Variants in CAMKMT observed in about 807,000 individuals in gnomAD.
CAMKMT encodes calmodulin-lysine N-methyltransferase.
CAMKMT carries 53 observed loss-of-function variants against 48.0 expected under a neutral mutation model. The ratio of observed to expected loss-of-function variants is 1.10; its 90% confidence interval spans 0.89 to 1.39. The LOEUF (loss-of-function observed/expected upper bound fraction) is 1.39. CAMKMT is among the 40% of genes most tolerant of loss of function. The probability of loss-of-function intolerance (pLI) is 0.00; values close to 1 mark genes in which losing one functional copy is unlikely to be tolerated. For missense variants in CAMKMT, 428 were observed against 402.7 expected, an observed-to-expected ratio of 1.06 and a Z score of -0.54; for synonymous variants, 165 against 152.3, an observed-to-expected ratio of 1.08 and a Z score of -0.61.
chr2:44,530,073 T>A (rs1170221090), intron 3 of CAMKMT, among the ~76,000 whole-genome samples: 1 of 152,194 alleles, frequency 6.6e-6, no homozygotes, highest in Non-Finnish European at 1.5e-5. Context: ...CATGGAAGAC[T>A]GTCAATATTT....
At position 44,532,845 on chromosome 2, in the gene CAMKMT, C is replaced by A. The variant is rs112905102; in HGVS notation, c.376+142540C>A. ...TTTTTTTTTTTTTGAGACAGAGTCT[C>A]GCTGTCACCCAGGCTGGAGTACAGT... On this transcript the variant is annotated intron_variant, in intron 3 of 10. Transcript: ENST00000378494. 6.7e-5 allele frequency among the ~76,000 whole-genome samples: 10 copies of A among 150,362 alleles called. No individual in the cohort carries two copies. In the East Asian group the frequency reaches 1.6e-3, roughly 23 times the overall value.
intron 3 of CAMKMT, among the ~76,000 whole-genome samples, chr2:44,622,691 A>G (rs556708019): frequency 6.6e-6 from 1 of 152,340 alleles, no homozygotes; most frequent in South Asian, 2.1e-4. Context: ...ATGGTTGCAT[A>G]GTATTCCGTG....
chr2:44,749,166 A>G (rs562194125), intron 8 of CAMKMT, among the ~76,000 whole-genome samples: 5 of 152,182 alleles, frequency 3.3e-5, no homozygotes, highest in Non-Finnish European at 5.9e-5. Context: ...GTGACCTTCC[A>G]TAGAAGAACC....
At chr2:44,480,964 TAGG>T (rs898391520) in intron 3 of CAMKMT, among the ~76,000 whole-genome samples, 24 of 152,194 alleles carry the variant, frequency 1.6e-4, no homozygotes, top group African/African-American at 5.8e-4. Context: ...ATCATATAAA[TAGG>T]AGATACATGC....
At chr2:44,566,040 C>T (rs957480986) in intron 3 of CAMKMT, among the ~76,000 whole-genome samples, 1 of 152,190 alleles carries the variant, frequency 6.6e-6, no homozygotes, top group Non-Finnish European at 1.5e-5. Context: ...CAAATTATCT[C>T]TACCGGCTGT....
chr2:44,416,956 C>A (rs978823232), intron 3 of CAMKMT, among the ~76,000 whole-genome samples: 2 of 151,218 alleles, frequency 1.3e-5, no homozygotes, highest in African/African-American at 4.9e-5. Flanking sequence ...TTTTTAGAGA[C>A]AGGGTCTCCC....
At chr2:44,474,098 A>C (rs1668559922) in intron 3 of CAMKMT, among the ~76,000 whole-genome samples, 1 of 152,152 alleles carries the variant, frequency 6.6e-6, no homozygotes, top group Non-Finnish European at 1.5e-5. Flanking sequence ...ATCATAATAA[A>C]CATCACAGTT....
intron 3 of CAMKMT, among the ~76,000 whole-genome samples, chr2:44,391,565 T>C (rs1348264983): frequency 1.3e-5 from 2 of 152,144 alleles, no homozygotes; most frequent in South Asian, 2.1e-4. Context: ...TTAAATATCA[T>C]TGAGTCAGGC....
chr2:44,673,668 A>G (rs1675495097), intron 3 of CAMKMT, among the ~76,000 whole-genome samples: 1 of 152,124 alleles, frequency 6.6e-6, no homozygotes, highest in South Asian at 2.1e-4. Context: ...ACCTAGAAAC[A>G]TGGGAAAATG....
intron 3 of CAMKMT, among the ~76,000 whole-genome samples, chr2:44,452,886 T>A (rs1366553575): frequency 1.3e-5 from 2 of 152,062 alleles, no homozygotes; most frequent in Non-Finnish European, 2.9e-5. Flanking sequence ...TTTGGGGTTG[T>A]GATATCATGC....
chr2:44,405,210 C>T (rs571197481), intron 3 of CAMKMT, among the ~76,000 whole-genome samples: 1 of 152,166 alleles, frequency 6.6e-6, no homozygotes, highest in South Asian at 2.1e-4. Flanking sequence ...TGTCAGTCCT[C>T]TAGCTCATAA....
chr2:44,654,868 CAAT>C (rs1674290540), intron 3 of CAMKMT, among the ~76,000 whole-genome samples: 1 of 152,158 alleles, frequency 6.6e-6, no homozygotes, highest in South Asian at 2.1e-4. Context: ...TTCTCAGTGT[CAAT>C]AAATATTTCT....
intron 3 of CAMKMT, among the ~76,000 whole-genome samples, chr2:44,518,389 A>T (rs997079599): frequency 6.6e-6 from 1 of 152,156 alleles, no homozygotes; most frequent in Non-Finnish European, 1.5e-5. Context: ...GATTTCTGTA[A>T]TGCTATTTTT....
At chr2:44,678,359 T>C (rs510026) in intron 3 of CAMKMT, among the ~76,000 whole-genome samples, 76,550 of 152,026 alleles carry the variant, frequency 0.5, 20,258 homozygotes, top group Non-Finnish European at 0.55. Flanking sequence ...CTTCTCTAAA[T>C]GTGACTGTGT....
chr2:44,437,734 T>G (rs1666357238), intron 3 of CAMKMT, among the ~76,000 whole-genome samples: 1 of 151,482 alleles, frequency 6.6e-6, no homozygotes, highest in South Asian at 2.1e-4. Context: ...TAGACCCAGC[T>G]ACTCGGGAGG....
chr2:44,631,391 G>A, intron 3 of CAMKMT: 1 of 455,242 alleles, frequency 2.2e-6, no homozygotes, highest in Non-Finnish European at 3.8e-6. Context: ...AAAACTTAAA[G>A]TATAATAATA....
intron 3 of CAMKMT, among the ~76,000 whole-genome samples, chr2:44,696,849 T>G (rs1024495394): frequency 5.9e-5 from 9 of 152,170 alleles, no homozygotes; most frequent in African/African-American, 1.7e-4. Context: ...TTCAAATAAT[T>G]AAGACATTGC....
intron 3 of CAMKMT, among the ~76,000 whole-genome samples, chr2:44,659,120 CA>C (rs1256306213): frequency 9.4e-6 from 1 of 106,736 alleles, no homozygotes; most frequent in Non-Finnish European, 1.8e-5. Context: ...TATCTTAAAT[CA>C]TTTAGAAAAA....
At chr2:44,693,568 C>A (rs533377324) in intron 3 of CAMKMT, among the ~76,000 whole-genome samples, 1 of 152,308 alleles carries the variant, frequency 6.6e-6, no homozygotes, top group South Asian at 2.1e-4. Flanking sequence ...GCCCCAGTGA[C>A]CATGCTATCT....
Sources: gnomAD v4.1 joint callset for allele counts (sites outside exome capture counted in the v4.1 genomes callset) on GRCh38, gnomAD v4.1.1 for gene constraint, MANE v1.5 for transcripts, NCBI Gene and HGNC (gene_info 2026-07-23, HGNC 2026-07-21) for gene names.